The following MTSS1 variants were observed in gnomAD, a reference collection of about 807,000 sequenced individuals.
MTSS1 encodes the protein protein MTSS 1.
Under a neutral mutation model 79.0 loss-of-function variants are expected in MTSS1, and 18 were observed. The ratio of observed to expected loss-of-function variants is 0.23; its 90% CI spans 0.16 to 0.34. The LOEUF is 0.34. MTSS1 is among the 10% of genes least tolerant of loss of function. The pLI is 1.00. For missense variants in MTSS1, 815 were observed against 986.2 expected, an observed-to-expected ratio of 0.83 and a Z score of 2.33; for synonymous variants, 341 against 368.6, an observed-to-expected ratio of 0.93 and a Z score of 0.86.
At chr8:124,633,631 G>A (rs751511878) in intron 3 of MTSS1, among the ~76,000 whole-genome samples, 2 of 152,060 alleles carry the variant, frequency 1.3e-5, no homozygotes, top group Non-Finnish European at 2.9e-5. Flanking sequence ...TTATCTGGGT[G>A]TGGTGGCACA....
chr8:124,687,242 G>A (rs971510579), intron 3 of MTSS1, among the ~76,000 whole-genome samples: 1 of 152,114 alleles, frequency 6.6e-6, no homozygotes, highest in African/African-American at 2.4e-5. Flanking sequence ...GGAAACCAGG[G>A]CTTGGGATCA....
intron 9 of MTSS1, among the ~76,000 whole-genome samples, chr8:124,564,129 CAA>C (rs56313535): frequency 0.4 from 34,472 of 86,372 alleles, 4,567 homozygotes; most frequent in Middle Eastern, 0.51. Context: ...GACCCGATCT[CAA>C]AAAAAAAAAA....
intron 6 of MTSS1, among the ~76,000 whole-genome samples, chr8:124,575,859 G>A (rs1448849188): frequency 6.6e-6 from 1 of 152,156 alleles, no homozygotes; most frequent in Non-Finnish European, 1.5e-5. Flanking sequence ...TTCTTCCTTG[G>A]TGGTTAAAGA....
chr8:124,676,230 A>G (rs1333817890), intron 3 of MTSS1, among the ~76,000 whole-genome samples: 1 of 152,260 alleles, frequency 6.6e-6, no homozygotes, highest in Non-Finnish European at 1.5e-5. Context: ...GACTGTCTCA[A>G]AACTGGACAT....
chr8:124,605,728 T>TG (rs1275015473), intron 3 of MTSS1, among the ~76,000 whole-genome samples: 4 of 152,142 alleles, frequency 2.6e-5, no homozygotes, highest in African/African-American at 9.7e-5. Flanking sequence ...CATGTGTCAC[T>TG]GGCCTAAGAG....
chr8:124,585,818 A>G (rs1830763665), intron 5 of MTSS1, among the ~76,000 whole-genome samples: 1 of 151,724 alleles, frequency 6.6e-6, no homozygotes, highest in East Asian at 1.9e-4. Flanking sequence ...AGTGTTTTGC[A>G]AAAACAAAAA....
At chr8:124,656,781 C>CAAAAAAAAAAAAAA (rs59332225) in intron 3 of MTSS1, among the ~76,000 whole-genome samples, 5 of 51,642 alleles carry the variant, frequency 9.7e-5, no homozygotes, top group African/African-American at 2.8e-4. Flanking sequence ...GACTCCATCT[C>CAAAAAAAAAAAAAA]AAAAAAAAAA....
intron 5 of MTSS1, among the ~76,000 whole-genome samples, chr8:124,586,904 G>A (rs1304627550): frequency 6.6e-6 from 1 of 152,210 alleles, no homozygotes; most frequent in East Asian, 1.9e-4. Context: ...AGGAACCTGT[G>A]TTTTATTGGA....
intron 3 of MTSS1, among the ~76,000 whole-genome samples, chr8:124,610,958 C>T (rs561258416): frequency 1.1e-3 from 160 of 152,338 alleles, no homozygotes; most frequent in African/African-American, 3.3e-3. Flanking sequence ...TGTTATGCTA[C>T]ATGGAAACAG....
At chr8:124,688,161 T>C (rs759212537) in intron 3 of MTSS1, among the ~76,000 whole-genome samples, 1 of 152,182 alleles carries the variant, frequency 6.6e-6, no homozygotes. Context: ...TTTGTGTGTA[T>C]GTGCGTACGT....
rs1431144077 is a variant in MTSS1 at position 124,553,253 on chromosome 8, A to G, written c.2007T>C (p.Ala669=). ...GGCCTGGAAGTGGAGGGTTAACGGA[A>G]GCTTGGCCGCTCCACATTGAGGAGG... The part of the protein sequence containing the change: ...SMPSSMWSGQ[A]SVNPPLPGPK... The change falls in exon 14 of 14, where the codon GCT becomes GCC. Residue 669 remains alanine, a synonymous_variant. Coordinates refer to ENST00000518547, the MANE Select transcript of MTSS1 (RefSeq NM_014751.6). This position sits in a 1 kb window ranked among gnomAD's most constrained non-coding sequence, Gnocchi z 6.0. The G allele has an allele frequency of 6.2e-7, 1 of 1,614,018 alleles. No homozygotes were observed. The highest frequency in any genetic ancestry group is 2.2e-5 in the East Asian group (1 of 44,890).
chr8:124,609,113 T>C (rs941678783), intron 3 of MTSS1, among the ~76,000 whole-genome samples: 1 of 152,206 alleles, frequency 6.6e-6, no homozygotes, highest in Non-Finnish European at 1.5e-5. Context: ...GAGAACATCA[T>C]CACCACACAG....
intron 6 of MTSS1, among the ~76,000 whole-genome samples, chr8:124,575,770 A>G (rs1006549689): frequency 6.6e-6 from 1 of 152,210 alleles, no homozygotes; most frequent in East Asian, 1.9e-4. Flanking sequence ...TCAGAGAACA[A>G]CTAGAAAACG....
At chr8:124,568,315 A>G in intron 7 of MTSS1, 64 bp downstream of exon 7, 1 of 1,549,512 alleles carries the variant, frequency 6.5e-7, no homozygotes, top group South Asian at 1.2e-5. Context: ...TGGATGGATA[A>G]AATTAGAAGG....
intron 4 of MTSS1, among the ~76,000 whole-genome samples, chr8:124,590,111 T>G (rs1831588302): frequency 6.6e-6 from 1 of 152,216 alleles, no homozygotes; most frequent in Non-Finnish European, 1.5e-5. Flanking sequence ...TGCCTTGGCC[T>G]CCCAAAGTGC....
intron 3 of MTSS1, among the ~76,000 whole-genome samples, chr8:124,605,942 C>T (rs1021494681): frequency 1.3e-5 from 2 of 150,060 alleles, no homozygotes; most frequent in African/African-American, 4.9e-5. Context: ...CTTATAGGTA[C>T]CATTATAAAG....
chr8:124,701,740 T>C (rs1404355088), intron 2 of MTSS1, among the ~76,000 whole-genome samples: 7 of 152,204 alleles, frequency 4.6e-5, no homozygotes, highest in Non-Finnish European at 1.0e-4. Context: ...ATGGCAGTCA[T>C]ATTTCACTGT....
chr8:124,694,067 T>C (rs1369762228), intron 3 of MTSS1, among the ~76,000 whole-genome samples: 1 of 152,218 alleles, frequency 6.6e-6, no homozygotes. Context: ...CTACCGCATA[T>C]AGACTTTTGT....
intron 5 of MTSS1, among the ~76,000 whole-genome samples, chr8:124,588,804 T>C (rs1001782325): frequency 1.3e-5 from 2 of 152,198 alleles, no homozygotes; most frequent in Non-Finnish European, 2.9e-5. Context: ...AACCTCTGCC[T>C]CCTGGGTTCA....
Sources: allele counts gnomAD v4.1 joint callset (sites outside exome capture counted in the v4.1 genomes callset), GRCh38; gene constraint gnomAD v4.1.1; non-coding constraint Gnocchi (gnomAD v3.1); transcripts MANE v1.5; gene names NCBI Gene and HGNC (gene_info 2026-07-23, HGNC 2026-07-21).